The following NUP210 variants were observed in gnomAD, a reference collection of about 807,000 sequenced individuals.
The protein encoded by NUP210 is nucleoporin 210.
A neutral mutation model predicts 196.0 loss-of-function variants in NUP210; 151 were observed. That is an observed-to-expected ratio of 0.77 (90% CI 0.67 to 0.88). The LOEUF is 0.88. Among genes scored for constraint, NUP210 ranks in the 40% least tolerant of loss-of-function variants. NUP210 has a pLI of 0.00. For synonymous variants in NUP210, 1,070 were observed against 1,052.7 expected (o/e 1.02, Z -0.32); for missense variants, 2,314 against 2,493.7 (o/e 0.93, Z 1.53).
At chr3:13,405,557 A>T (rs925920530) in intron 1 of NUP210, among the ~76,000 whole-genome samples, 3 of 152,246 alleles carry the variant, frequency 2.0e-5, no homozygotes, top group African/African-American at 7.2e-5. Flanking sequence ...ATATATGCAT[A>T]TGAGCTATAT....
chr3:13,322,733 C>T (rs528449727), intron 34 of NUP210, among the ~76,000 whole-genome samples: 1 of 152,382 alleles, frequency 6.6e-6, no homozygotes, highest in South Asian at 2.1e-4. Context: ...TAGGCAACGG[C>T]ACAGTGCTGT....
In NUP210 at chr3:13,336,902, G is replaced by A; in HGVS notation, c.3569C>T (p.Thr1190Ile). ...AGGGTTCTGGTGGTTGGTGATGCCG[G>A]TGACATAGATGGGCATCTGCAGGGG... ...RTGTQMPIYV[T>I]GITNHQNPFS... Residue 1190 changes from threonine to isoleucine, a missense_variant, in exon 27 of 40, where the codon ACC becomes ATC. Transcript: ENST00000254508. 6.2e-7 allele frequency: 1 copy of A among 1,613,670 alleles called. No individual in the cohort carries two copies. Among genetic ancestry groups the A allele is most frequent in the Non-Finnish European group, 8.5e-7 (1 of 1,179,756 alleles).
At chr3:13,418,974 G>GAAAAAAA (rs1700442623) in intron 1 of NUP210, among the ~76,000 whole-genome samples, 2 of 104,934 alleles carry the variant, frequency 1.9e-5, no homozygotes, top group African/African-American at 7.2e-5. Context: ...AAAAAAAAAA[G>GAAAAAAA]AAAGAAAGAA....
chr3:13,336,850 G>A lies in NUP210; in HGVS notation c.3621C>T (p.Gly1207=), dbSNP rs773459152. 4 of 1,613,830 alleles carry A rather than the reference G, an allele frequency of 2.5e-6. No homozygotes were observed. In the African/African-American group the frequency reaches 4.0e-5, roughly 16 times the overall value. ...TGGTGACAGACCAGTGGAAGGTCAGGCCTGGCACGGCATTGCCAAAGGAGA... is the reference window on the plus strand; with the variant it reads ...TGGTGACAGACCAGTGGAAGGTCAGACCTGGCACGGCATTGCCAAAGGAGA... ...NPFSFGNAVP[G]LTFHWSVTKR... The change falls in exon 27 of 40, where the codon GGC becomes GGT. Residue 1207 remains glycine, a synonymous_variant. Coordinates refer to ENST00000254508, the MANE Select transcript of NUP210 (RefSeq NM_024923.4).
At chr3:13,405,606 G>C (rs1377311457) in intron 1 of NUP210, among the ~76,000 whole-genome samples, 1 of 152,030 alleles carries the variant, frequency 6.6e-6, no homozygotes, top group Non-Finnish European at 1.5e-5. Flanking sequence ...TGTTTCTTCA[G>C]AAAACCCTGA....
In NUP210 at chr3:13,318,524, A is replaced by G. The variant is rs550625518; in HGVS notation, c.5563+548T>C. 6.5e-4 allele frequency among the ~76,000 whole-genome samples: 99 copies of G among 152,090 alleles called. 1 individual carries two copies. The highest frequency in any genetic ancestry group is 1.3e-3 in the Non-Finnish European group (86 of 68,018). ...AGAGAACCCTCAAATGGGAATCAGG[A>G]GACATTAAAGGGCCTTCACGTACAG... On this transcript the variant is annotated intron_variant, in intron 39 of 39. Transcript: ENST00000254508.
At chr3:13,351,459 C>T (rs1296379293) in intron 20 of NUP210, among the ~76,000 whole-genome samples, 1 of 152,200 alleles carries the variant, frequency 6.6e-6, no homozygotes, top group Non-Finnish European at 1.5e-5. Flanking sequence ...AAAGACCTTG[C>T]TAATTATAGC....
Position 13,347,391 on chromosome 3 carries a change from G to A in NUP210, c.2836-4088C>T, listed in dbSNP as rs191065132. 9 of 944,544 alleles carry A rather than the reference G, an allele frequency of 9.5e-6. No individual in the cohort carries two copies. Among genetic ancestry groups the A allele is most frequent in the South Asian group, 4.9e-5 (1 of 20,464 alleles). 58.5% of individuals were successfully genotyped at this position (944,544 alleles called of 1,614,324 possible). ...GGACTTGATTGAAATGTAAAGAATC[G>A]TTGAAAAGAAGGAAAACTTAGGCTT... On this transcript the variant is annotated intron_variant, in intron 20 of 39. Transcript: ENST00000254508. The surrounding 1 kb of genome is among the most constrained non-coding windows in gnomAD (Gnocchi z 4.7).
At position 13,360,435 on chromosome 3, in the gene NUP210, C is replaced by T. The variant is rs752952655; in HGVS notation, c.1989G>A (p.Leu663=). 7.4e-6 allele frequency: 12 copies of T among 1,613,868 alleles called. No homozygotes were observed. Among genetic ancestry groups the T allele is most frequent in the South Asian group, 1.1e-5 (1 of 90,962 alleles). ...LVTLGSSKEM[L]FEGGPRPWIL... Reference sequence around the variant, plus strand: ...TCCAAGGTCTGGGACCTCCTTCAAACAGCATCTCCTTTGAGGAGCCCAGGG... The same window carrying T: ...TCCAAGGTCTGGGACCTCCTTCAAATAGCATCTCCTTTGAGGAGCCCAGGG... Residue 663 remains leucine (L), a synonymous_variant, in exon 15 of 40, where the codon CTG becomes CTA. Transcript: ENST00000254508.
At chr3:13,398,766 T>G (rs1699746010) in intron 2 of NUP210, among the ~76,000 whole-genome samples, 1 of 151,652 alleles carries the variant, frequency 6.6e-6, no homozygotes, top group Admixed American at 6.6e-5. Context: ...CCACAAAAAA[T>G]TTTACAAATT....
Position 13,376,379 on chromosome 3 carries a change from G to A in NUP210, c.1205C>T (p.Ser402Phe). 1.2e-6 allele frequency: 2 copies of A among 1,614,204 alleles called. No individual in the cohort carries two copies. Among genetic ancestry groups the A allele is most frequent in the Non-Finnish European group, 1.7e-6 (2 of 1,180,026 alleles). ...GCGATGGTATGACCCATTCTGGGAGGACGAGAGCACCTCGAAGAACTCAGC... is the reference window on the plus strand; with the variant it reads ...GCGATGGTATGACCCATTCTGGGAGAACGAGAGCACCTCGAAGAACTCAGC... ...LPAEFFEVLSSSQNGSYHRIR... is the reference protein window; with the variant it reads ...LPAEFFEVLSFSQNGSYHRIR... Residue 402 changes from serine (S) to phenylalanine (F), a missense_variant, in exon 10 of 40, where the codon TCC becomes TTC. Transcript: ENST00000254508.
chr3:13,322,463 GC>G, intron 34 of NUP210, 124 bp from the exon 35 acceptor site: 1 of 1,057,698 alleles, frequency 9.5e-7, no homozygotes, highest in Non-Finnish European at 1.4e-6. Context: ...TTCCAGCAGG[GC>G]CCCAGGGCGG....
chr3:13,323,505 TCACC>T lies in NUP210; in HGVS notation c.4645-77_4645-74del, dbSNP rs2124831306. On this transcript the variant is annotated intron_variant, in intron 33 of 39. Transcript: ENST00000254508. This position sits in a 1 kb window ranked among gnomAD's most constrained non-coding sequence, Gnocchi z 4.3. ...GTCCATGCTGGGCGTTTCCACAACC[TCACC>T]CTGCAGTCTGTGACATAGTGTCACC... is the stretch of plus-strand genomic sequence containing the variant. 6.4e-7 allele frequency: 1 copy of T among 1,550,432 alleles called. No homozygotes were observed. Among genetic ancestry groups the T allele is most frequent in the East Asian group, 2.3e-5 (1 of 44,336 alleles).
Position 13,348,296 on chromosome 3 carries a change from C to T in NUP210, c.2835+3583G>A. 2 of 791,058 alleles carry T rather than the reference C, an allele frequency of 2.5e-6. No individual in the cohort carries two copies. Among genetic ancestry groups the T allele is most frequent in the Non-Finnish European group, 1.5e-6 (1 of 652,564 alleles). 49.0% of individuals were successfully genotyped at this position (791,058 alleles called of 1,614,324 possible). ...AATGCCTCCAGAGACAGGGAGCTCA[C>T]TACCTACAGCGGCAGCCTAGTCCAT... is the stretch of plus-strand genomic sequence containing the variant. On this transcript the variant is annotated intron_variant, in intron 20 of 39. Transcript: ENST00000254508. The surrounding 1 kb of genome is among the most constrained non-coding windows in gnomAD (Gnocchi z 4.0).
Position 13,350,720 on chromosome 3 carries a change from G to A in NUP210, c.2835+1159C>T, listed in dbSNP as rs967134763. Among the ~76,000 whole-genome samples the A allele has an allele frequency of 6.9e-6, 1 of 145,418 alleles. No homozygotes were observed. The highest frequency in any genetic ancestry group is 2.6e-5 in the African/African-American group (1 of 39,108). ...TTTTTTTTTTTTTTTTTGAGATGGA[G>A]TCTCGCCCCGTCGCCCAGGCTGGAG... is the stretch of plus-strand genomic sequence containing the variant. On this transcript the variant is annotated intron_variant, in intron 20 of 39. Transcript: ENST00000254508. This position sits in a 1 kb window ranked among gnomAD's most constrained non-coding sequence, Gnocchi z 4.1.
In NUP210 at chr3:13,347,257, G is replaced by A. The variant is rs1697776178; in HGVS notation, c.2836-3954C>T. On this transcript the variant is annotated intron_variant, in intron 20 of 39. Coordinates refer to ENST00000254508, the MANE Select transcript of NUP210 (RefSeq NM_024923.4). This position sits in a 1 kb window ranked among gnomAD's most constrained non-coding sequence, Gnocchi z 4.7. ...ATCCGCAGTGCTTAACACAGCACCT[G>A]GCACACGATAAGCACTCCAGCGTCT... is the stretch of plus-strand genomic sequence containing the variant. 2 of 985,104 alleles carry A rather than the reference G, an allele frequency of 2.0e-6. No individual in the cohort carries two copies. The highest frequency in any genetic ancestry group is 2.4e-6 in the Non-Finnish European group (2 of 829,790). The allele number at this position is 985,104 out of a possible 1,614,324, so 61.0% of individuals were successfully genotyped here. A position where few individuals can be genotyped will look rare whatever the true frequency, so the allele number is the denominator to read the frequency against.
At position 13,325,856 on chromosome 3, in the gene NUP210, CG is replaced by C; in HGVS notation, c.4582del (p.Arg1528GlyfsTer6). 6.2e-7 allele frequency: 1 copy of C among 1,613,976 alleles called. No homozygotes were observed. The highest frequency in any genetic ancestry group is 8.5e-7 in the Non-Finnish European group (1 of 1,180,028). ...IDPKTGVAVA[R>X]AVGSVTVYYE... ...GTAAACCGTCACGGATCCCACGGCC[CG>C]GGCCACAGCCACACCCGTCTTGGGG... On this transcript the variant is annotated frameshift_variant, in exon 33 of 40. Coordinates refer to ENST00000254508, the MANE Select transcript of NUP210 (RefSeq NM_024923.4). LOFTEE classifies it high-confidence loss of function.
At chr3:13,336,397 C>G (rs1195852618) in intron 27 of NUP210, among the ~76,000 whole-genome samples, 1 of 152,172 alleles carries the variant, frequency 6.6e-6, no homozygotes, top group Non-Finnish European at 1.5e-5. Flanking sequence ...CACCTTCCAG[C>G]TCTGACATCT....
intron 1 of NUP210, among the ~76,000 whole-genome samples, chr3:13,405,517 T>C (rs1318331484): frequency 6.6e-6 from 1 of 152,096 alleles, no homozygotes; most frequent in Non-Finnish European, 1.5e-5. Flanking sequence ...ATAAGATATA[T>C]ATATATAGGC....
Sources: allele counts gnomAD v4.1 joint callset (sites outside exome capture counted in the v4.1 genomes callset), GRCh38; gene constraint gnomAD v4.1.1; non-coding constraint Gnocchi (gnomAD v3.1); transcripts MANE v1.5; gene names NCBI Gene and HGNC (gene_info 2026-07-23, HGNC 2026-07-21).